ZFPM2: variants seen among roughly 807,000 people sequenced by gnomAD.
The protein encoded by ZFPM2 is zinc finger protein, FOG family member 2.
Under a neutral mutation model 98.6 loss-of-function variants are expected in ZFPM2, and 20 were observed. The observed-to-expected ratio is 0.20, with a 90% CI of 0.14 to 0.29. The LOEUF is 0.29. Among genes scored for constraint, ZFPM2 ranks in the 10% least tolerant of loss-of-function variants. The probability of loss-of-function intolerance (pLI) is 1.00; values close to 1 mark genes in which losing one functional copy is unlikely to be tolerated. For missense variants in ZFPM2, 1,310 were observed against 1,388.6 expected, an observed-to-expected ratio of 0.94 and a Z score of 0.90; for synonymous variants, 518 against 502.7, an observed-to-expected ratio of 1.03 and a Z score of -0.41.
intron 1 of ZFPM2, among the ~76,000 whole-genome samples, chr8:105,381,052 T>G (rs904380479): frequency 1.4e-5 from 2 of 144,458 alleles, no homozygotes; most frequent in African/African-American, 2.6e-5. Context: ...CATTAGGTAT[T>G]TCTCTTAATG....
intron 3 of ZFPM2, among the ~76,000 whole-genome samples, chr8:105,535,934 T>A (rs1586444879): frequency 6.6e-6 from 1 of 152,226 alleles, no homozygotes; most frequent in Admixed American, 6.5e-5. Flanking sequence ...ATTGCCAGGC[T>A]GTGTACACAG....
At chr8:105,486,492 CTGATAACTGTCT>C (rs530086758) in intron 3 of ZFPM2, among the ~76,000 whole-genome samples, 161 of 152,090 alleles carry the variant, frequency 1.1e-3, no homozygotes, top group African/African-American at 3.6e-3. Flanking sequence ...AAGATTGTTC[CTGATAACTGTCT>C]TGATAACTGT....
chr8:105,749,748 G>A (rs1009432011), intron 5 of ZFPM2, among the ~76,000 whole-genome samples: 4 of 151,914 alleles, frequency 2.6e-5, no homozygotes, highest in Admixed American at 1.3e-4. Flanking sequence ...AAGTAAGAAA[G>A]AAAGGAAAGG....
chr8:105,485,990 C>T (rs979276952), intron 3 of ZFPM2, among the ~76,000 whole-genome samples: 6 of 152,134 alleles, frequency 3.9e-5, no homozygotes, highest in South Asian at 2.1e-4. Flanking sequence ...TTCAATAACA[C>T]GGAGATCTAT....
intron 3 of ZFPM2, among the ~76,000 whole-genome samples, chr8:105,536,123 A>G (rs1814445532): frequency 6.6e-6 from 1 of 152,180 alleles, no homozygotes; most frequent in Non-Finnish European, 1.5e-5. Flanking sequence ...GTAATAATAG[A>G]CCTTGAATAA....
intron 2 of ZFPM2, among the ~76,000 whole-genome samples, chr8:105,441,461 A>AGGAAG (rs1563659944): frequency 3.7e-5 from 4 of 108,220 alleles, no homozygotes; most frequent in African/African-American, 1.2e-4. Context: ...AGAGAAAGAA[A>AGGAAG]GAAAGAAAGA....
intron 5 of ZFPM2, among the ~76,000 whole-genome samples, chr8:105,704,046 C>G (rs1349892118): frequency 6.6e-6 from 1 of 152,214 alleles, no homozygotes; most frequent in Non-Finnish European, 1.5e-5. Context: ...GTAGTGAATT[C>G]AAACCACATA....
At chr8:105,595,954 C>A (rs1815960205) in intron 4 of ZFPM2, among the ~76,000 whole-genome samples, 1 of 147,730 alleles carries the variant, frequency 6.8e-6, no homozygotes, top group African/African-American at 2.5e-5. Flanking sequence ...ATTTCAAAAC[C>A]ATATAAACTG....
At position 105,318,996 on chromosome 8, in the gene ZFPM2, G is replaced by A. The variant is rs1586288533; in HGVS notation, c.40+15G>A. 1 of 1,491,942 alleles carries A rather than the reference G, an allele frequency of 6.7e-7. No homozygotes were observed. The allele number at this position is 1,491,942 out of a possible 1,614,324, so 92.4% of individuals were successfully genotyped here. On this transcript the variant is annotated intron_variant, in intron 1 of 7. Coordinates refer to ENST00000407775, the MANE Select transcript of ZFPM2 (RefSeq NM_012082.4). ...GCAGATCAAACGTAAGTTTGCGCGC[G>A]GGGCCGGGAGTTGGTGGGATTATTG... is the stretch of plus-strand genomic sequence containing the variant.
chr8:105,606,725 G>A (rs769617323), intron 4 of ZFPM2, among the ~76,000 whole-genome samples: 6 of 152,002 alleles, frequency 3.9e-5, no homozygotes, highest in African/African-American at 7.2e-5. Context: ...CCATGGGACC[G>A]TGATATTGCC....
chr8:105,462,602 G>A (rs1464628248), intron 3 of ZFPM2, among the ~76,000 whole-genome samples: 3 of 152,074 alleles, frequency 2.0e-5, no homozygotes, highest in Admixed American at 2.0e-4. Context: ...TCTCTACAAT[G>A]GGAGTGCTAT....
chr8:105,431,416 G>A (rs1244019494), intron 2 of ZFPM2, among the ~76,000 whole-genome samples: 1 of 152,196 alleles, frequency 6.6e-6, no homozygotes, highest in Non-Finnish European at 1.5e-5. Flanking sequence ...TCATGCGTTA[G>A]CTAATCCAGT....
intron 4 of ZFPM2, among the ~76,000 whole-genome samples, chr8:105,618,840 T>G (rs1816472408): frequency 6.6e-6 from 1 of 152,090 alleles, no homozygotes; most frequent in Non-Finnish European, 1.5e-5. Flanking sequence ...TTAAACTATC[T>G]TTTTACTATT....
intron 3 of ZFPM2, among the ~76,000 whole-genome samples, chr8:105,496,696 A>G: frequency 7.3e-6 from 1 of 137,906 alleles, no homozygotes; most frequent in African/African-American, 2.7e-5. Context: ...TTTGAGACGG[A>G]GTCAGGCCGG....
intron 4 of ZFPM2, among the ~76,000 whole-genome samples, chr8:105,632,387 C>G (rs1434055097): frequency 6.6e-6 from 1 of 152,086 alleles, no homozygotes; most frequent in Non-Finnish European, 1.5e-5. Flanking sequence ...CCAGTCTGCT[C>G]TCAAACTCCT....
intron 5 of ZFPM2, among the ~76,000 whole-genome samples, chr8:105,651,220 T>G (rs921929057): frequency 2.6e-5 from 4 of 152,160 alleles, no homozygotes; most frequent in Non-Finnish European, 5.9e-5. Flanking sequence ...ATTTATATTT[T>G]GTAACTACTC....
chr8:105,684,151 C>T (rs1353259730), intron 5 of ZFPM2, among the ~76,000 whole-genome samples: 3 of 152,120 alleles, frequency 2.0e-5, no homozygotes, highest in Admixed American at 1.3e-4. Context: ...AGGGATGTGG[C>T]AGGCCACATT....
chr8:105,464,468 C>G (rs1399188864), intron 3 of ZFPM2, among the ~76,000 whole-genome samples: 4 of 151,780 alleles, frequency 2.6e-5, no homozygotes, highest in Non-Finnish European at 5.9e-5. Flanking sequence ...ACATTTTTTA[C>G]AGTTTTCAAT....
intron 3 of ZFPM2, among the ~76,000 whole-genome samples, chr8:105,518,491 C>G (rs75935263): frequency 2.6e-5 from 4 of 152,150 alleles, no homozygotes; most frequent in Non-Finnish European, 5.9e-5. Flanking sequence ...TTTTACACAT[C>G]TCTCATGCAT....
Sources: allele counts gnomAD v4.1 joint callset (sites outside exome capture counted in the v4.1 genomes callset), GRCh38; gene constraint gnomAD v4.1.1; transcripts MANE v1.5; gene names NCBI Gene and HGNC (gene_info 2026-07-23, HGNC 2026-07-21).